LRRTM4: variants seen among roughly 807,000 people sequenced by gnomAD.
LRRTM4 encodes leucine rich repeat transmembrane neuronal 4.
Under a neutral mutation model 47.6 loss-of-function variants are expected in LRRTM4, and 25 were observed. The observed-to-expected ratio is 0.53, with a 90% confidence interval of 0.38 to 0.73. LRRTM4 has a LOEUF of 0.73. Among genes scored for constraint, LRRTM4 ranks in the 30% least tolerant of loss-of-function variants. The pLI is 0.00. For missense variants in LRRTM4, 638 were observed against 713.4 expected, an observed-to-expected ratio of 0.89 and a Z score of 1.20; for synonymous variants, 311 against 269.5, an observed-to-expected ratio of 1.15 and a Z score of -1.51.
chr2:77,233,561 G>T (rs1038981901), intron 3 of LRRTM4, among the ~76,000 whole-genome samples: 1 of 151,958 alleles, frequency 6.6e-6, no homozygotes, highest in East Asian at 1.9e-4. Context: ...ACATATGAAG[G>T]TTTATATTTC....
At chr2:77,330,892 G>T (rs1670949195) in intron 3 of LRRTM4, among the ~76,000 whole-genome samples, 1 of 151,840 alleles carries the variant, frequency 6.6e-6, no homozygotes, top group Non-Finnish European at 1.5e-5. Flanking sequence ...TTAAGTTATG[G>T]GTATAGAAAA....
intron 3 of LRRTM4, among the ~76,000 whole-genome samples, chr2:77,123,622 T>A (rs572501316): frequency 6.6e-6 from 1 of 152,230 alleles, no homozygotes; most frequent in Non-Finnish European, 1.5e-5. Context: ...TTGAGTGACA[T>A]TTTAATAAAA....
In LRRTM4 at chr2:77,021,110, G is replaced by GTATCTATCTATC. The variant is rs36108858; in HGVS notation, c.1552-272206_1552-272195dup. On this transcript the variant is annotated intron_variant, in intron 3 of 3. Coordinates refer to ENST00000409884, the MANE Select transcript of LRRTM4 (RefSeq NM_001134745.3). Reference sequence around the variant, plus strand: ...AACTTCTCTGTATCTATCTATCTATGTATCTATCTATCTATCTATCTAGCC... The same window carrying GTATCTATCTATC: ...AACTTCTCTGTATCTATCTATCTATGTATCTATCTATCTATCTATCTATCTATCTATCTAGCC... Among the ~76,000 whole-genome samples, 194 of 151,038 alleles carry GTATCTATCTATC rather than the reference G, an allele frequency of 1.3e-3. 6 individuals are homozygous for GTATCTATCTATC. In the South Asian group the frequency reaches 0.018, roughly 14 times the overall value.
intron 3 of LRRTM4, among the ~76,000 whole-genome samples, chr2:77,045,826 C>T (rs1275123876): frequency 6.6e-6 from 1 of 151,866 alleles, no homozygotes; most frequent in African/African-American, 2.4e-5. Flanking sequence ...ACAAGCACAG[C>T]ATTTTTTTTG....
intron 3 of LRRTM4, among the ~76,000 whole-genome samples, chr2:77,005,257 G>A (rs1024582377): frequency 6.6e-6 from 1 of 152,108 alleles, no homozygotes; most frequent in Non-Finnish European, 1.5e-5. Flanking sequence ...GGATTCGCCT[G>A]CCTCAGCCTC....
chr2:77,353,865 G>C (rs546547581), intron 3 of LRRTM4, among the ~76,000 whole-genome samples: 2 of 152,240 alleles, frequency 1.3e-5, no homozygotes, highest in South Asian at 4.1e-4. Flanking sequence ...GGCTTCGCAG[G>C]AAAGGATTCA....
chr2:77,047,147 T>C lies in LRRTM4; in HGVS notation c.1552-298231A>G, dbSNP rs147885912. Among the ~76,000 whole-genome samples, 108 of 152,194 alleles carry C rather than the reference T, an allele frequency of 7.1e-4. 2 individuals are homozygous for C. The East Asian group carries it at 0.016, about 22-fold the overall frequency. ...ATCTTCAGACATCTTTAGCAAAGCA[T>C]TTGTTTTTGCTTTGGTTTCAAACAT... is the stretch of plus-strand genomic sequence containing the variant. On this transcript the variant is annotated intron_variant, in intron 3 of 3. Transcript: ENST00000409884.
intron 3 of LRRTM4, among the ~76,000 whole-genome samples, chr2:77,328,329 C>A (rs530876310): frequency 1.3e-5 from 2 of 152,250 alleles, no homozygotes; most frequent in East Asian, 1.9e-4. Flanking sequence ...GTCATAGCAA[C>A]CTTGCCAGCT....
chr2:76,792,976 G>C (rs753018508), intron 3 of LRRTM4, among the ~76,000 whole-genome samples: 19 of 152,130 alleles, frequency 1.2e-4, no homozygotes, highest in Non-Finnish European at 2.6e-4. Context: ...ACTTTGTCTT[G>C]ATGGAAAGTG....
intron 3 of LRRTM4, among the ~76,000 whole-genome samples, chr2:76,840,464 C>T (rs1459077058): frequency 3.9e-5 from 6 of 152,132 alleles, no homozygotes; most frequent in African/African-American, 1.2e-4. Context: ...AGTCAGCAAT[C>T]ATCTGACAAG....
chr2:77,163,865 G>T (rs967038009), intron 3 of LRRTM4, among the ~76,000 whole-genome samples: 5 of 152,144 alleles, frequency 3.3e-5, no homozygotes, highest in African/African-American at 4.8e-5. Flanking sequence ...ATGCCAAATT[G>T]TAAAGACCTT....
intron 3 of LRRTM4, among the ~76,000 whole-genome samples, chr2:76,964,895 CAA>C (rs558128930): frequency 1.1e-4 from 16 of 150,196 alleles, no homozygotes; most frequent in Non-Finnish European, 1.9e-4. Flanking sequence ...AAAATAATAA[CAA>C]AAGAGTACAA....
chr2:77,132,774 T>C (rs542585639), intron 3 of LRRTM4, among the ~76,000 whole-genome samples: 45 of 152,290 alleles, frequency 3.0e-4, no homozygotes, highest in African/African-American at 1.0e-3. Flanking sequence ...TCTTAGTAAT[T>C]TGGCTCTTAA....
At chr2:76,884,956 A>T (rs950273307) in intron 3 of LRRTM4, among the ~76,000 whole-genome samples, 4 of 152,130 alleles carry the variant, frequency 2.6e-5, no homozygotes, top group Non-Finnish European at 4.4e-5. Flanking sequence ...ATGATCTGAA[A>T]AAAAGCTTGC....
intron 3 of LRRTM4, among the ~76,000 whole-genome samples, chr2:76,781,363 C>G (rs901338515): frequency 1.4e-4 from 21 of 152,252 alleles, no homozygotes; most frequent in African/African-American, 5.1e-4. Flanking sequence ...TGGCTGCCGC[C>G]TTGCAGTTTG....
intron 3 of LRRTM4, among the ~76,000 whole-genome samples, chr2:77,213,587 G>A (rs1435219173): frequency 6.6e-6 from 1 of 152,024 alleles, no homozygotes; most frequent in Non-Finnish European, 1.5e-5. Flanking sequence ...TGAAAAACAA[G>A]CCCTACATTA....
At chr2:77,086,093 C>T (rs934639810) in intron 3 of LRRTM4, among the ~76,000 whole-genome samples, 2 of 152,186 alleles carry the variant, frequency 1.3e-5, no homozygotes, top group Admixed American at 6.5e-5. Flanking sequence ...CAGAATTTCA[C>T]TGAAGCCGGA....
intron 3 of LRRTM4, among the ~76,000 whole-genome samples, chr2:77,478,893 CT>C (rs2104011509): frequency 6.6e-6 from 1 of 152,092 alleles, no homozygotes; most frequent in East Asian, 1.9e-4. Flanking sequence ...TTTTTTTCTT[CT>C]TCTTTCTTTC....
chr2:77,477,229 T>C (rs373387635), intron 3 of LRRTM4, among the ~76,000 whole-genome samples: 2 of 152,074 alleles, frequency 1.3e-5, no homozygotes, highest in East Asian at 1.9e-4. Flanking sequence ...TCAAGAGCCA[T>C]CATAGAAAGT....
Sources: gnomAD v4.1 joint callset for allele counts (sites outside exome capture counted in the v4.1 genomes callset) on GRCh38, gnomAD v4.1.1 for gene constraint, MANE v1.5 for transcripts, NCBI Gene and HGNC (gene_info 2026-07-23, HGNC 2026-07-21) for gene names.